The following CMIP variants were observed in gnomAD, a reference collection of about 807,000 sequenced individuals.
CMIP encodes the protein c-Maf inducing protein, also known as C-Maf-inducing protein.
CMIP carries 13 observed loss-of-function variants against 97.3 expected under a neutral mutation model. The ratio of observed to expected loss-of-function variants is 0.13; its 90% CI spans 0.09 to 0.21. The LOEUF is 0.21. CMIP is among the 10% of genes least tolerant of loss of function. The probability of loss-of-function intolerance (pLI) is 1.00; values close to 1 mark genes in which losing one functional copy is unlikely to be tolerated. For synonymous variants in CMIP, 538 were observed against 436.3 expected (o/e 1.23, Z -2.91); for missense variants, 847 against 1,024.9 (o/e 0.83, Z 2.37).
intron 1 of CMIP, among the ~76,000 whole-genome samples, chr16:81,461,138 G>A (rs940090247): frequency 3.0e-4 from 45 of 152,204 alleles, no homozygotes. Context: ...TGGATTGGGT[G>A]TCTTGTTGAG....
At chr16:81,601,147 C>T (rs930798572) in intron 1 of CMIP, among the ~76,000 whole-genome samples, 2 of 152,240 alleles carry the variant, frequency 1.3e-5, no homozygotes, top group Admixed American at 6.5e-5. Context: ...TCAACCCCAT[C>T]CCCGACTGGG....
intron 1 of CMIP, among the ~76,000 whole-genome samples, chr16:81,503,644 G>A (rs1035680157): frequency 6.6e-6 from 1 of 152,192 alleles, no homozygotes; most frequent in African/African-American, 2.4e-5. Context: ...CGATCCTCCT[G>A]CCCTGGCCTC....
At chr16:81,702,549 T>C (rs2151098889) in intron 16 of CMIP, 73 bp from the exon 17 acceptor site, 1 of 1,423,344 alleles carries the variant, frequency 7.0e-7, no homozygotes, top group Non-Finnish European at 9.8e-7. Context: ...ATGAGTGTTG[T>C]TAACAGAGGT....
chr16:81,691,573 G>A (rs1906080960), intron 10 of CMIP: 6 of 611,694 alleles, frequency 9.8e-6, no homozygotes, highest in Non-Finnish European at 1.8e-5. Context: ...GGAAGTCTCT[G>A]CACAGGCCCA....
chr16:81,580,554 C>T (rs1047161613), intron 1 of CMIP, among the ~76,000 whole-genome samples: 2 of 151,822 alleles, frequency 1.3e-5, no homozygotes, highest in African/African-American at 2.4e-5. Flanking sequence ...GTGCCTCAGC[C>T]TCCCAAGTAG....
chr16:81,648,187 G>A (rs545253224), intron 3 of CMIP, among the ~76,000 whole-genome samples: 14 of 151,154 alleles, frequency 9.3e-5, no homozygotes, highest in African/African-American at 3.2e-4. Flanking sequence ...CTCTTCACCC[G>A]ACCATCGTGG....
In CMIP at chr16:81,634,574, C is replaced by G. The variant is rs77983140; in HGVS notation, c.477+13648C>G. On this transcript the variant is annotated intron_variant, in intron 3 of 20. Transcript: ENST00000537098. ...CTCACTCCTAGGACGCTGAGCTTCTCTGGGTGAGTAGAGTCTGCCGCACGA... is the reference window on the plus strand; with the variant it reads ...CTCACTCCTAGGACGCTGAGCTTCTGTGGGTGAGTAGAGTCTGCCGCACGA... Among the ~76,000 whole-genome samples the G allele has an allele frequency of 3.4e-3, 525 of 152,296 alleles. 4 individuals carry two copies. The highest frequency in any genetic ancestry group is 0.012 in the African/African-American group (504 of 41,552).
intron 6 of CMIP, among the ~76,000 whole-genome samples, chr16:81,662,798 C>T (rs930565182): frequency 1.4e-4 from 21 of 152,290 alleles, no homozygotes; most frequent in African/African-American, 2.6e-4. Context: ...CAAAACACCG[C>T]GCTGGTGATG....
At chr16:81,595,093 G>T (rs868248142) in intron 1 of CMIP, among the ~76,000 whole-genome samples, 3 of 150,478 alleles carry the variant, frequency 2.0e-5, no homozygotes, top group Middle Eastern at 3.4e-3. Context: ...GACCATAGTT[G>T]ACCACTGGTA....
chr16:81,507,317 T>C (rs2089728031), intron 1 of CMIP, among the ~76,000 whole-genome samples: 1 of 152,200 alleles, frequency 6.6e-6, no homozygotes, highest in African/African-American at 2.4e-5. Flanking sequence ...ACCCTCCCTC[T>C]GCAGCTGCTA....
At chr16:81,458,133 T>C (rs971060909) in intron 1 of CMIP, among the ~76,000 whole-genome samples, 5 of 152,146 alleles carry the variant, frequency 3.3e-5, no homozygotes, top group Admixed American at 1.3e-4. Context: ...AAGCAGGTTT[T>C]TGGGGGAGAT....
chr16:81,493,998 A>G (rs2089447802), intron 1 of CMIP, among the ~76,000 whole-genome samples: 2 of 152,188 alleles, frequency 1.3e-5, no homozygotes. Context: ...CTCTTAATTA[A>G]AAAAACAACC....
At chr16:81,548,696 A>C (rs2090597151) in intron 1 of CMIP, among the ~76,000 whole-genome samples, 1 of 152,046 alleles carries the variant, frequency 6.6e-6, no homozygotes, top group Admixed American at 6.5e-5. Context: ...AAAGAAAAAA[A>C]AAAGCCAGGC....
chr16:81,533,305 T>G (rs780949303), intron 1 of CMIP, among the ~76,000 whole-genome samples: 14 of 152,204 alleles, frequency 9.2e-5, no homozygotes, highest in Non-Finnish European at 1.8e-4. Context: ...GTACATAGTT[T>G]TGAGTGAGTG....
rs1905783978 is a variant in CMIP at position 81,445,638 on chromosome 16, C to G, written c.300+97C>G. ...TGGCGCTGCACCTGGAGCCCAGGGC[C>G]TGGGGGGCGGTGGGGGGTGCCGGGG... is the stretch of plus-strand genomic sequence containing the variant. On this transcript the variant is annotated intron_variant, in intron 1 of 20. Transcript: ENST00000537098. The G allele has an allele frequency of 2.2e-6, 3 of 1,353,940 alleles. No individual in the cohort carries two copies. The East Asian group carries it at 7.6e-5, about 34-fold the overall frequency. 83.9% of individuals were successfully genotyped at this position (1,353,940 alleles called of 1,614,324 possible). A position where few individuals can be genotyped will look rare whatever the true frequency, so the allele number is the denominator to read the frequency against.
intron 3 of CMIP, among the ~76,000 whole-genome samples, chr16:81,644,157 TAGTTA>T (rs1270972009): frequency 6.6e-6 from 1 of 152,250 alleles, no homozygotes. Context: ...TCTCACTTTC[TAGTTA>T]AGTTGAGTGT....
chr16:81,666,070 A>T (rs916946183), intron 7 of CMIP: 1 of 151,768 alleles, frequency 6.6e-6, no homozygotes, highest in Non-Finnish European at 1.5e-5. Context: ...GGACAAGGAG[A>T]CTCCCCACTG....
At position 81,444,996 on chromosome 16, in the gene CMIP, A is replaced by G. The variant is rs1194487711; in HGVS notation, c.-246A>G. Among the ~76,000 whole-genome samples the G allele has an allele frequency of 1.8e-4, 25 of 136,934 alleles. No individual in the cohort carries two copies. The highest frequency in any genetic ancestry group is 3.5e-4 in the Non-Finnish European group (22 of 63,040). 89.8% of individuals were successfully genotyped at this position (136,934 alleles called of 152,430 possible). A position where few individuals can be genotyped will look rare whatever the true frequency, so the allele number is the denominator to read the frequency against. On this transcript the variant is annotated 5_prime_UTR_variant, in exon 1 of 21. Transcript: ENST00000537098. ...CCGCCGAGCCCGGTCAGCCGCCGCG[A>G]GCATGCACCCGACGAGCTAGGAGGA...
chr16:81,451,973 C>T (rs903653580), intron 1 of CMIP, among the ~76,000 whole-genome samples: 2 of 152,234 alleles, frequency 1.3e-5, no homozygotes, highest in African/African-American at 4.8e-5. Flanking sequence ...GCTTCGCTTA[C>T]ATCAGCAGAG....
Sources: gnomAD v4.1 joint callset for allele counts (sites outside exome capture counted in the v4.1 genomes callset) on GRCh38, gnomAD v4.1.1 for gene constraint, MANE v1.5 for transcripts, NCBI Gene and HGNC (gene_info 2026-07-23, HGNC 2026-07-21) for gene names.